The following CERS3 variants were observed in gnomAD, a reference collection of about 807,000 sequenced individuals.
CERS3 encodes ceramide synthase 3, also known as LAG1 homolog, ceramide synthase 3.
In CERS3, 33 loss-of-function variants were observed where a neutral mutation model predicts 50.3. That is an observed-to-expected ratio of 0.66 (90% CI 0.50 to 0.88). The LOEUF (loss-of-function observed/expected upper bound fraction) is 0.88, where lower values mean the gene tolerates loss of function less well. CERS3 is among the 40% of genes least tolerant of loss of function. The pLI, the probability that CERS3 is intolerant of heterozygous loss-of-function variation, is 0.00. For synonymous variants in CERS3, 176 were observed against 155.2 expected, an observed-to-expected ratio of 1.13 and a Z score of -0.99; for missense variants, 470 against 460.3, an observed-to-expected ratio of 1.02 and a Z score of -0.19.
chr15:100,431,546 A>G (rs2033132244), intron 11 of CERS3, among the ~76,000 whole-genome samples: 1 of 152,202 alleles, frequency 6.6e-6, no homozygotes, highest in African/African-American at 2.4e-5. Flanking sequence ...GGTCATGCCA[A>G]TTGACTTTAC....
At chr15:100,531,463 G>A (rs1372262526), upstream of CERS3, among the ~76,000 whole-genome samples, 1 of 152,072 alleles carries the variant, frequency 6.6e-6, no homozygotes, top group Admixed American at 6.6e-5. Flanking sequence ...GACTTTGTGG[G>A]AGCTGTGGAC....
At chr15:100,542,209 G>T (rs909410330) in intron 1 of CERS3, among the ~76,000 whole-genome samples, 1 of 152,088 alleles carries the variant, frequency 6.6e-6, no homozygotes, top group Non-Finnish European at 1.5e-5. Context: ...TTCAGCCTCA[G>T]GAATGAACTA....
chr15:100,436,291 C>T (rs1193144313), intron 11 of CERS3, among the ~76,000 whole-genome samples: 2 of 152,086 alleles, frequency 1.3e-5, no homozygotes, highest in African/African-American at 4.8e-5. Flanking sequence ...ACTATGCAGC[C>T]ATAAAAAAGA....
intron 11 of CERS3, among the ~76,000 whole-genome samples, chr15:100,454,826 G>A (rs2034305092): frequency 6.6e-6 from 1 of 151,968 alleles, no homozygotes; most frequent in Admixed American, 6.6e-5. Flanking sequence ...ATCTGATAAT[G>A]GACTAATATC....
chr15:100,490,834 T>C lies in CERS3; in HGVS notation c.271A>G (p.Thr91Ala). The C allele has an allele frequency of 1.2e-6, 2 of 1,606,370 alleles. No individual in the cohort carries two copies. The highest frequency in any genetic ancestry group is 1.7e-6 in the Non-Finnish European group (2 of 1,173,368). Reference protein sequence around the residue: ...TVLENFFKHSTRQPLQTDIYG... With the variant: ...TVLENFFKHSARQPLQTDIYG... Reference sequence around the variant, plus strand: ...GTACTTACTTGCAATGGTTGCCTTGTGGAATGTTTGAAAAAATTCTCTAAG... The same window carrying C: ...GTACTTACTTGCAATGGTTGCCTTGCGGAATGTTTGAAAAAATTCTCTAAG... Residue 91 changes from threonine (T) to alanine (A), a missense_variant, in exon 4 of 12, where the codon ACA becomes GCA. Physicochemically the swap from Thr to Ala is moderately conservative, Grantham distance 58. Coordinates refer to ENST00000679737, the MANE Select transcript of CERS3 (RefSeq NM_001378789.1).
At chr15:100,423,500 A>G (rs1175424520) in intron 11 of CERS3, among the ~76,000 whole-genome samples, 1 of 152,176 alleles carries the variant, frequency 6.6e-6, no homozygotes, top group Non-Finnish European at 1.5e-5. Flanking sequence ...CCATTATCCC[A>G]AGTAAATTAA....
chr15:100,539,022 C>A (rs1301203322), intron 1 of CERS3, among the ~76,000 whole-genome samples: 1 of 152,184 alleles, frequency 6.6e-6, no homozygotes, highest in Non-Finnish European at 1.5e-5. Flanking sequence ...TAAATCATCT[C>A]TCTCAAGTTC....
chr15:100,461,605 C>T (rs1490809871), intron 10 of CERS3, among the ~76,000 whole-genome samples: 2 of 152,184 alleles, frequency 1.3e-5, no homozygotes, highest in Non-Finnish European at 2.9e-5. Flanking sequence ...ACTCTTACTA[C>T]CACTATGGCC....
chr15:100,533,517 T>C (rs1291458247), upstream of CERS3, among the ~76,000 whole-genome samples: 1 of 151,950 alleles, frequency 6.6e-6, no homozygotes, highest in Non-Finnish European at 1.5e-5. Context: ...TTCTTTTCTT[T>C]CTTTCTCTTT....
chr15:100,477,570 T>G (rs2654575), intron 7 of CERS3, among the ~76,000 whole-genome samples: 2 of 152,326 alleles, frequency 1.3e-5, no homozygotes, highest in Middle Eastern at 3.4e-3. Flanking sequence ...AGAGCGAACC[T>G]TTTATTTCAA....
chr15:100,445,576 A>G (rs2033899991), intron 11 of CERS3, among the ~76,000 whole-genome samples: 1 of 152,134 alleles, frequency 6.6e-6, no homozygotes, highest in Non-Finnish European at 1.5e-5. Flanking sequence ...ATTCTAAATG[A>G]CAAATGTTTC....
intron 11 of CERS3, among the ~76,000 whole-genome samples, chr15:100,420,870 C>T (rs1051366105): frequency 1.3e-5 from 2 of 151,342 alleles, no homozygotes; most frequent in African/African-American, 4.9e-5. Context: ...AAGCCTTTGA[C>T]AAAATTCAAC....
rs563532463 is a variant in CERS3, at chr15:100,484,595, C to T, written c.362G>A (p.Arg121Gln). The change falls in exon 5 of 12, where the codon CGG becomes CAG. Residue 121 changes from arginine to glutamine, a missense_variant. Arg to Gln is a conservative substitution (Grantham distance 43). Transcript: ENST00000679737. The part of the protein sequence containing the change: ...RQVERWFRSR[R>Q]NQERPSRLKK... ...CAGCCTGGAAGGCCTCTCTTGATTC[C>T]GCCGACTCCTAAACCATCTTTCCAC... 30 of 1,614,132 alleles carry T rather than the reference C, an allele frequency of 1.9e-5. No homozygotes were observed. The highest frequency in any genetic ancestry group is 1.1e-4 in the South Asian group (10 of 91,074).
chr15:100,469,493 A>C lies in CERS3; in HGVS notation c.739-9T>G. ...GAAAACATCTTAGCAGACTGCAAAAAAGAAAGAAACTGCAGATAAAGTGAC... is the reference window on the plus strand; with the variant it reads ...GAAAACATCTTAGCAGACTGCAAAACAGAAAGAAACTGCAGATAAAGTGAC... On this transcript the variant is annotated splice_polypyrimidine_tract_variant and intron_variant, in intron 9 of 11. Coordinates refer to ENST00000679737, the MANE Select transcript of CERS3 (RefSeq NM_001378789.1). The C allele has an allele frequency of 9.5e-6, 15 of 1,585,648 alleles. No homozygotes were observed. Among genetic ancestry groups the C allele is most frequent in the Non-Finnish European group, 1.3e-5 (15 of 1,159,096 alleles).
chr15:100,417,321 G>A (rs558652464), intron 11 of CERS3, among the ~76,000 whole-genome samples: 10 of 152,054 alleles, frequency 6.6e-5, no homozygotes, highest in Non-Finnish European at 8.8e-5. Flanking sequence ...AAGGGGTGAC[G>A]GACGCACCTG....
In CERS3 at chr15:100,430,317, A is replaced by G. The variant is rs562998625; in HGVS notation, c.999+25576T>C. Among the ~76,000 whole-genome samples the G allele has an allele frequency of 2.7e-3, 411 of 152,322 alleles. 1 individual carries two copies. Among genetic ancestry groups the G allele is most frequent in the Middle Eastern group, 0.02 (6 of 294 alleles). On this transcript the variant is annotated intron_variant, in intron 11 of 11. Transcript: ENST00000679737. ...ACAGAGCGAGACTCCGTCTCAAAAA[A>G]AAAAAGAATGACCAAAAGAAAACAA...
chr15:100,476,893 A>G (rs1245584896), intron 7 of CERS3, among the ~76,000 whole-genome samples: 4 of 152,160 alleles, frequency 2.6e-5, no homozygotes. Flanking sequence ...ACATAAGCAA[A>G]TGTGATGCAT....
intron 11 of CERS3, 44 bp from the exon 12 acceptor site, chr15:100,402,909 AAG>A (rs2030668918): frequency 3.9e-6 from 6 of 1,548,130 alleles, no homozygotes; most frequent in Non-Finnish European, 5.2e-6. Flanking sequence ...ATCTTCCAGG[AAG>A]AGTCTTGAGT....
At chr15:100,524,311 A>G (rs1394193129) in intron 1 of CERS3, among the ~76,000 whole-genome samples, 1 of 152,246 alleles carries the variant, frequency 6.6e-6, no homozygotes, top group African/African-American at 2.4e-5. Flanking sequence ...ACTAACAGTA[A>G]TGGTTAAAAA....
Sources: gnomAD v4.1 joint callset for allele counts (sites outside exome capture counted in the v4.1 genomes callset) on GRCh38, gnomAD v4.1.1 for gene constraint, MANE v1.5 for transcripts, NCBI Gene and HGNC (gene_info 2026-07-23, HGNC 2026-07-21) for gene names.